The following SUSD3 variants were observed in gnomAD, a reference collection of about 807,000 sequenced individuals.
SUSD3 encodes sushi domain containing 3, also known as sushi domain-containing protein 3.
SUSD3 carries 18 observed loss-of-function variants against 20.6 expected under a neutral mutation model. The observed-to-expected ratio is 0.87, with a 90% CI of 0.60 to 1.30. The LOEUF is 1.30. Ranked by LOEUF, SUSD3 falls within the 50% of genes most tolerant of loss-of-function variation. SUSD3 has a pLI of 0.00. For synonymous variants in SUSD3, 137 were observed against 141.5 expected (o/e 0.97, Z 0.23); for missense variants, 306 against 346.9 (o/e 0.88, Z 0.94).
At chr9:93,073,392 G>A (rs544715945) in intron 1 of SUSD3, among the ~76,000 whole-genome samples, 1 of 151,990 alleles carries the variant, frequency 6.6e-6, no homozygotes, top group African/African-American at 2.4e-5. Flanking sequence ...GACTTCAGGC[G>A]CCCGCCACCA....
intron 1 of SUSD3, among the ~76,000 whole-genome samples, chr9:93,068,843 T>G (rs1298801184): frequency 6.6e-6 from 1 of 151,914 alleles, no homozygotes; most frequent in Non-Finnish European, 1.5e-5. Context: ...GACCCCTCAG[T>G]GCATGCCTGA....
chr9:93,079,705 C>T (rs1369130186), intron 4 of SUSD3, 103 bp downstream of exon 4: 4 of 1,311,170 alleles, frequency 3.1e-6, no homozygotes, highest in Non-Finnish European at 4.2e-6. Context: ...CCTGCTGCTC[C>T]CACACGCCTA....
At chr9:93,066,859 C>G (rs1825736466) in intron 1 of SUSD3, among the ~76,000 whole-genome samples, 1 of 152,150 alleles carries the variant, frequency 6.6e-6, no homozygotes, top group Middle Eastern at 3.2e-3. Context: ...AGGCGTGCAC[C>G]ACCACACCCA....
At chr9:93,079,396 A>G in intron 3 of SUSD3, 75 bp from the exon 4 acceptor site, 1 of 1,544,932 alleles carries the variant, frequency 6.5e-7, no homozygotes, top group Non-Finnish European at 8.9e-7. Flanking sequence ...CCCTGGGCCT[A>G]CATGGAGCCT....
At chr9:93,074,709 G>A (rs1014876392) in intron 1 of SUSD3, among the ~76,000 whole-genome samples, 14 of 143,980 alleles carry the variant, frequency 9.7e-5, no homozygotes, top group African/African-American at 2.9e-4. Context: ...CTGACTCCCT[G>A]GTTCAATCGA....
intron 4 of SUSD3, among the ~76,000 whole-genome samples, chr9:93,081,292 G>A (rs1487563101): frequency 6.6e-6 from 1 of 152,180 alleles, no homozygotes; most frequent in Non-Finnish European, 1.5e-5. Flanking sequence ...CGGGGTCTGG[G>A]CGGGCATCCA....
At chr9:93,059,613 T>G (rs1446012368) in intron 1 of SUSD3, among the ~76,000 whole-genome samples, 1 of 152,160 alleles carries the variant, frequency 6.6e-6, no homozygotes, top group Non-Finnish European at 1.5e-5. Context: ...CCGCGGCCAC[T>G]GCCCACGAAC....
chr9:93,072,058 CCCT>C (rs1216044011), intron 1 of SUSD3, among the ~76,000 whole-genome samples: 3 of 152,122 alleles, frequency 2.0e-5, no homozygotes, highest in Admixed American at 1.3e-4. Flanking sequence ...GGGTAGACCA[CCCT>C]CCTCATAGGG....
In SUSD3 at chr9:93,082,792, T is replaced by C. The variant is rs559186975; in HGVS notation, c.558-1745T>C. Among the ~76,000 whole-genome samples the C allele has an allele frequency of 9.9e-5, 15 of 152,126 alleles. No individual in the cohort carries two copies. The South Asian group carries it at 2.7e-3, about 27-fold the overall frequency. On this transcript the variant is annotated intron_variant, in intron 4 of 4. Coordinates refer to ENST00000375472, the MANE Select transcript of SUSD3 (RefSeq NM_145006.4). ...TGTGTCATAACTGGGAAAGTGCCCA[T>C]GGAATGGGGGAAGGAACAATTGCCT... is the stretch of plus-strand genomic sequence containing the variant.
At chr9:93,078,915 T>G (rs998177242) in intron 3 of SUSD3, among the ~76,000 whole-genome samples, 10 of 152,022 alleles carry the variant, frequency 6.6e-5, no homozygotes, top group African/African-American at 2.2e-4. Context: ...TTCTCCTGCC[T>G]CAGCCTCCCG....
intron 1 of SUSD3, among the ~76,000 whole-genome samples, chr9:93,060,188 T>C (rs1245368287): frequency 6.6e-6 from 1 of 152,240 alleles, no homozygotes; most frequent in East Asian, 1.9e-4. Context: ...CCTGTGCTCT[T>C]GTTCATCCTG....
At chr9:93,064,628 A>G (rs116617939) in intron 1 of SUSD3, among the ~76,000 whole-genome samples, 98 of 152,294 alleles carry the variant, frequency 6.4e-4, no homozygotes, top group African/African-American at 2.2e-3. Flanking sequence ...CGACTGGTCA[A>G]CCTCAGACAT....
intron 1 of SUSD3, among the ~76,000 whole-genome samples, chr9:93,073,322 C>T (rs1404960940): frequency 3.3e-5 from 5 of 150,732 alleles, no homozygotes; most frequent in African/African-American, 9.8e-5. Flanking sequence ...TCTCGGCTCA[C>T]TGCAAGCTCT....
chr9:93,083,175 G>A (rs1826492308), intron 4 of SUSD3, among the ~76,000 whole-genome samples: 1 of 152,244 alleles, frequency 6.6e-6, no homozygotes, highest in African/African-American at 2.4e-5. Flanking sequence ...GGCAGGAAGT[G>A]GTGGTGAGGC....
chr9:93,080,345 A>C (rs1353477256), intron 4 of SUSD3, among the ~76,000 whole-genome samples: 1 of 145,384 alleles, frequency 6.9e-6, no homozygotes, highest in South Asian at 2.2e-4. Context: ...AAAAAACAAA[A>C]CTAACAGAAA....
intron 4 of SUSD3, 93 bp downstream of exon 4, chr9:93,079,695 C>A: frequency 7.1e-7 from 1 of 1,411,242 alleles, no homozygotes. Context: ...ACGCTGAGAG[C>A]CTGCTGCTCC....
At chr9:93,058,914 C>T in intron 1 of SUSD3, 84 bp downstream of exon 1, 2 of 819,684 alleles carry the variant, frequency 2.4e-6, no homozygotes, top group East Asian at 3.4e-5. Flanking sequence ...GGTCGCGGGG[C>T]CGCACAGCCG....
Position 93,079,529 on chromosome 9 carries a change from T to G in SUSD3, c.484T>G (p.Tyr162Asp), listed in dbSNP as rs1587919818. Reference sequence around the variant, plus strand: ...GGACTTGGAGACGGTGCAGGCCGCATACCTTGGCCTCAAGCACTTCAACAA... The same window carrying G: ...GGACTTGGAGACGGTGCAGGCCGCAGACCTTGGCCTCAAGCACTTCAACAA... Reference protein sequence around the residue: ...DEDLETVQAAYLGLKHFNKPV... With the variant: ...DEDLETVQAADLGLKHFNKPV... The change falls in exon 4 of 5, where the codon TAC (tyrosine) becomes GAC (aspartate). Residue 162 changes from tyrosine (Y) to aspartate (D), a missense_variant. Transcript: ENST00000375472. The G allele has an allele frequency of 6.2e-7, 1 of 1,614,128 alleles. No homozygotes were observed. The highest frequency in any genetic ancestry group is 1.1e-5 in the South Asian group (1 of 91,080).
intron 1 of SUSD3, among the ~76,000 whole-genome samples, chr9:93,059,492 G>A (rs1587890285): frequency 6.6e-6 from 1 of 152,328 alleles, no homozygotes; most frequent in East Asian, 1.9e-4. Flanking sequence ...CGTGCCCAAG[G>A]CTCCGGGGTT....
Sources: allele counts gnomAD v4.1 joint callset (sites outside exome capture counted in the v4.1 genomes callset), GRCh38; gene constraint gnomAD v4.1.1; transcripts MANE v1.5; gene names NCBI Gene and HGNC (gene_info 2026-07-23, HGNC 2026-07-21).